Variants in PARG observed in about 807,000 individuals in gnomAD.
The protein encoded by PARG is mitochondrial poly(ADP-ribose) glycohydrolase.
A neutral mutation model predicts 113.0 loss-of-function variants in PARG; 35 were observed. The ratio of observed to expected loss-of-function variants is 0.31; its 90% CI spans 0.24 to 0.41. The LOEUF (loss-of-function observed/expected upper bound fraction) is 0.41, where lower values mean the gene tolerates loss of function less well. Among genes scored for constraint, PARG ranks in the 10% least tolerant of loss-of-function variants. PARG has a pLI of 1.00. For synonymous variants in PARG, 330 were observed against 409.9 expected, an observed-to-expected ratio of 0.81 and a Z score of 2.36; for missense variants, 797 against 1,169.4, an observed-to-expected ratio of 0.68 and a Z score of 4.64.
In PARG at chr10:49,884,994, T is replaced by G. The variant is rs541303859; in HGVS notation, c.1830+209A>C. ...TGTCCTTTTGTAGTACTCTCTACCC[T>G]CTAACCTTTTCCTTAATACAGCAAA... On this transcript the variant is annotated intron_variant, in intron 8 of 17. Transcript: ENST00000616448. 4.6e-5 allele frequency among the ~76,000 whole-genome samples: 7 copies of G among 150,788 alleles called. No individual in the cohort carries two copies. The South Asian group carries it at 1.5e-3, about 32-fold the overall frequency.
chr10:49,922,265 T>A, intron 6 of PARG, 71 bp downstream of exon 6: 2 of 1,512,218 alleles, frequency 1.3e-6, no homozygotes, highest in Non-Finnish European at 9.0e-7. Flanking sequence ...CTGAGTCTAT[T>A]AAGACCAAAA....
chr10:49,927,558 A>G (rs1554850960), intron 4 of PARG, among the ~76,000 whole-genome samples: 1 of 152,144 alleles, frequency 6.6e-6, no homozygotes, highest in Non-Finnish European at 1.5e-5. Context: ...TGTCACATAC[A>G]GAAGAACAGC....
chr10:49,847,088 T>C (rs1845546734), intron 13 of PARG, among the ~76,000 whole-genome samples: 2 of 151,128 alleles, frequency 1.3e-5, no homozygotes, highest in Non-Finnish European at 2.9e-5. Context: ...GTGTCTATAC[T>C]TGCATATATA....
At chr10:49,878,953 G>C (rs1554838908) in intron 9 of PARG, among the ~76,000 whole-genome samples, 5 of 152,162 alleles carry the variant, frequency 3.3e-5, no homozygotes, top group Non-Finnish European at 1.5e-5. Context: ...GGAGTAGTGA[G>C]TAGGAGGGAA....
At chr10:49,914,369 G>A (rs573294726) in intron 7 of PARG, among the ~76,000 whole-genome samples, 37 of 152,286 alleles carry the variant, frequency 2.4e-4, no homozygotes, top group African/African-American at 7.9e-4. Flanking sequence ...CTGTTACAGT[G>A]AAAGACATTT....
At chr10:49,840,240 T>G (rs1449126349) in intron 15 of PARG, among the ~76,000 whole-genome samples, 1 of 151,862 alleles carries the variant, frequency 6.6e-6, no homozygotes, top group African/African-American at 2.4e-5. Flanking sequence ...AAAGAAAAAT[T>G]AGCCAGGTGT....
chr10:49,890,659 T>C (rs535435929), intron 7 of PARG, among the ~76,000 whole-genome samples: 35 of 152,166 alleles, frequency 2.3e-4, no homozygotes, highest in Non-Finnish European at 4.7e-4. Context: ...TTTTTTCTTC[T>C]CTCCACAAAT....
Position 49,918,142 on chromosome 10 carries a change from G to C in PARG, c.1663-2151C>G, listed in dbSNP as rs143754832. On this transcript the variant is annotated intron_variant, in intron 6 of 17. Transcript: ENST00000616448. ...CAGAAAATGGAATGGACTGCAAAGT[G>C]GGGAGAGGAATCTTTGGGGATGATA... Among the ~76,000 whole-genome samples the C allele has an allele frequency of 2.0e-5, 3 of 152,286 alleles. No individual in the cohort carries two copies. In the East Asian group the frequency reaches 5.8e-4, roughly 29 times the overall value.
chr10:49,897,081 T>C (rs1373220606), intron 7 of PARG, among the ~76,000 whole-genome samples: 1 of 152,228 alleles, frequency 6.6e-6, no homozygotes, highest in Non-Finnish European at 1.5e-5. Flanking sequence ...TTTTTCAGTT[T>C]TATCTTTATC....
At position 49,820,146 on chromosome 10, in the gene PARG, A is replaced by G; in HGVS notation, c.2776+19T>C. 6.6e-7 allele frequency: 1 copy of G among 1,509,972 alleles called. No homozygotes were observed. Among genetic ancestry groups the G allele is most frequent in the Non-Finnish European group, 9.0e-7 (1 of 1,109,806 alleles). The allele number at this position is 1,509,972 out of a possible 1,614,324, so 93.5% of individuals were successfully genotyped here. A position where few individuals can be genotyped will look rare whatever the true frequency, so the allele number is the denominator to read the frequency against. On this transcript the variant is annotated intron_variant, in intron 17 of 17. Coordinates refer to ENST00000616448, the MANE Select transcript of PARG (RefSeq NM_003631.5). ...ACAATCCATCTAGATACCAAGTGTC[A>G]AGAGTATCTCCTACTTACCAACAGT...
At chr10:49,831,823 T>C (rs1295286940) in intron 16 of PARG, among the ~76,000 whole-genome samples, 1 of 152,172 alleles carries the variant, frequency 6.6e-6, no homozygotes, top group Non-Finnish European at 1.5e-5. Flanking sequence ...TGAGTCATTC[T>C]AGTAAATTAT....
intron 16 of PARG, among the ~76,000 whole-genome samples, chr10:49,825,302 C>T (rs1308698926): frequency 1.3e-5 from 2 of 152,142 alleles, no homozygotes; most frequent in African/African-American, 4.8e-5. Context: ...TACACTCTCT[C>T]TTCAAGAATG....
intron 12 of PARG, among the ~76,000 whole-genome samples, chr10:49,860,233 G>A (rs191558569): frequency 4.2e-4 from 64 of 152,214 alleles, no homozygotes; most frequent in African/African-American, 1.5e-3. Context: ...AGGAAGTGGG[G>A]AGGATCTCAA....
intron 16 of PARG, among the ~76,000 whole-genome samples, chr10:49,828,107 A>AAAAAAAAAAAAAAAAAAAAT (rs1844460551): frequency 6.8e-6 from 1 of 147,458 alleles, no homozygotes; most frequent in Non-Finnish European, 1.5e-5. Flanking sequence ...AAAAAAAAAA[A>AAAAAAAAAAAAAAAAAAAAT]AAAAAAAAAA....
chr10:49,865,602 T>C (rs1846468597), intron 10 of PARG, among the ~76,000 whole-genome samples: 2 of 145,504 alleles, frequency 1.4e-5, no homozygotes, highest in South Asian at 4.6e-4. Flanking sequence ...AAACTCCTTC[T>C]ATAAAATAAT....
intron 16 of PARG, 101 bp from the exon 17 acceptor site, chr10:49,820,394 A>G (rs1844012249): frequency 5.1e-6 from 4 of 789,310 alleles, no homozygotes; most frequent in South Asian, 1.8e-5. Context: ...CCTAGATTAA[A>G]GATTTATAAA....
rs549102306 is a variant in PARG at position 49,827,616 on chromosome 10, T to C, written c.2647+5187A>G. On this transcript the variant is annotated intron_variant, in intron 16 of 17. Coordinates refer to ENST00000616448, the MANE Select transcript of PARG (RefSeq NM_003631.5). ...AAAAACAACAACAAAATAAGGCAAGTTGGAAGAACTTGTAAGTAAACAGCA... is the reference window on the plus strand; with the variant it reads ...AAAAACAACAACAAAATAAGGCAAGCTGGAAGAACTTGTAAGTAAACAGCA... Among the ~76,000 whole-genome samples, 4 of 152,036 alleles carry C rather than the reference T, an allele frequency of 2.6e-5. No individual in the cohort carries two copies. In the South Asian group the frequency reaches 8.4e-4, roughly 32 times the overall value.
intron 10 of PARG, among the ~76,000 whole-genome samples, chr10:49,866,798 A>G (rs540939944): frequency 5.3e-5 from 8 of 152,318 alleles, no homozygotes; most frequent in African/African-American, 1.9e-4. Flanking sequence ...ACTTCCCATC[A>G]TAAAATCACA....
chr10:49,941,770 A>G lies in PARG; in HGVS notation c.-45T>C, dbSNP rs1357268601. The G allele has an allele frequency of 2.6e-6, 4 of 1,541,952 alleles. No individual in the cohort carries two copies. Among genetic ancestry groups the G allele is most frequent in the Non-Finnish European group, 2.6e-6 (3 of 1,147,976 alleles). ...TGTCCCCGGGCCGGCCCGGGCGGAGAGCCTCATTCACTAACCCTGAGAGAG... is the reference window on the plus strand; with the variant it reads ...TGTCCCCGGGCCGGCCCGGGCGGAGGGCCTCATTCACTAACCCTGAGAGAG... On this transcript the variant is annotated 5_prime_UTR_variant, in exon 1 of 18. Coordinates refer to ENST00000616448, the MANE Select transcript of PARG (RefSeq NM_003631.5).
Sources: allele counts gnomAD v4.1 joint callset (sites outside exome capture counted in the v4.1 genomes callset), GRCh38; gene constraint gnomAD v4.1.1; transcripts MANE v1.5; gene names NCBI Gene and HGNC (gene_info 2026-07-23, HGNC 2026-07-21).